HSD17B4: variants seen among roughly 807,000 people sequenced by gnomAD.
The protein encoded by HSD17B4 is peroxisomal multifunctional enzyme type 2.
A neutral mutation model predicts 101.0 loss-of-function variants in HSD17B4; 70 were observed. The ratio of observed to expected loss-of-function variants is 0.69; its 90% CI spans 0.57 to 0.85. HSD17B4 has a LOEUF of 0.85. HSD17B4 is among the 40% of genes least tolerant of loss of function. The probability of loss-of-function intolerance (pLI) is 0.00; values close to 1 mark genes in which losing one functional copy is unlikely to be tolerated. For synonymous variants in HSD17B4, 347 were observed against 297.1 expected, an observed-to-expected ratio of 1.17 and a Z score of -1.73; for missense variants, 984 against 892.4, an observed-to-expected ratio of 1.10 and a Z score of -1.31.
At chr5:119,471,656 A>G in intron 2 of HSD17B4, 5 of 1,437,604 alleles carry the variant, frequency 3.5e-6, no homozygotes, top group Non-Finnish European at 3.7e-6. Flanking sequence ...CTATGCAATA[A>G]CCCTATGGAG....
At chr5:119,492,226 T>C in intron 10 of HSD17B4, 102 bp downstream of exon 10, 3 of 839,192 alleles carry the variant, frequency 3.6e-6, no homozygotes, top group Non-Finnish European at 6.3e-6. Context: ...GCCTAACCAT[T>C]GGATATAGTG....
At chr5:119,492,398 A>T in intron 10 of HSD17B4, 1 of 465,882 alleles carries the variant, frequency 2.1e-6, no homozygotes, top group Non-Finnish European at 3.9e-6. Flanking sequence ...ATTCCTTCAG[A>T]CAGCATATAT....
At chr5:119,536,707 T>C (rs564740392) in intron 23 of HSD17B4, among the ~76,000 whole-genome samples, 157 bp downstream of exon 23, 16 of 152,274 alleles carry the variant, frequency 1.1e-4, no homozygotes, top group African/African-American at 3.6e-4. Context: ...TGACAGGTCA[T>C]ATATTTCTTT....
At chr5:119,468,809 C>CTT (rs797011282) in intron 2 of HSD17B4, among the ~76,000 whole-genome samples, 2 of 142,034 alleles carry the variant, frequency 1.4e-5, no homozygotes, top group African/African-American at 5.1e-5. Context: ...TTTCTCTTTC[C>CTT]TTTTTTTTTT....
rs2126689875 is a variant in HSD17B4, at chr5:119,475,728, G to A, written c.302+1G>A. 6.3e-7 allele frequency: 1 copy of A among 1,598,050 alleles called. No homozygotes were observed. The highest frequency in any genetic ancestry group is 8.6e-7 in the Non-Finnish European group (1 of 1,166,904). On this transcript the variant is annotated splice_donor_variant, in intron 5 of 23. Transcript: ENST00000510025. LOFTEE classifies it high-confidence loss of function. ...TAGATGTTGTGGTCAACAATGCTGG[G>A]TGAGTATTTCTTTTTCATTTTTAGT... is the stretch of plus-strand genomic sequence containing the variant.
intron 2 of HSD17B4, among the ~76,000 whole-genome samples, chr5:119,467,945 T>C (rs1755980469): frequency 6.6e-6 from 1 of 152,228 alleles, no homozygotes; most frequent in Non-Finnish European, 1.5e-5. Context: ...AGTGAGTTTC[T>C]TGTAGGTAGC....
Position 119,452,646 on chromosome 5 carries a change from A to C in HSD17B4, c.58+13A>C, listed in dbSNP as rs1182653542. 6.2e-7 allele frequency: 1 copy of C among 1,613,664 alleles called. No individual in the cohort carries two copies. Among genetic ancestry groups the C allele is most frequent in the Non-Finnish European group, 8.5e-7 (1 of 1,179,938 alleles). Reference sequence around the variant, plus strand: ...GGCGCGGGGGCAGGTGAGCATGCGAAGGTTGGAGGCCGCGCCCCTTGCTGA... The same window carrying C: ...GGCGCGGGGGCAGGTGAGCATGCGACGGTTGGAGGCCGCGCCCCTTGCTGA... On this transcript the variant is annotated intron_variant, in intron 1 of 23. Transcript: ENST00000510025.
chr5:119,526,545 C>G (rs545453772), intron 19 of HSD17B4, among the ~76,000 whole-genome samples: 1 of 151,926 alleles, frequency 6.6e-6, no homozygotes, highest in African/African-American at 2.4e-5. Context: ...AAGATGTACA[C>G]TTAAAAAAGT....
At chr5:119,539,475 C>G (rs1415176272) in intron 23 of HSD17B4, among the ~76,000 whole-genome samples, 2 of 151,678 alleles carry the variant, frequency 1.3e-5, no homozygotes, top group Non-Finnish European at 2.9e-5. Flanking sequence ...GGAGATATAC[C>G]TAATGCTAAA....
intron 12 of HSD17B4, 90 bp from the exon 13 acceptor site, chr5:119,499,227 A>G (rs1310616730): frequency 1.2e-6 from 1 of 821,558 alleles, no homozygotes; most frequent in Non-Finnish European, 2.1e-6. Context: ...TTCTAGTCAC[A>G]TCTATTCAAA....
chr5:119,452,704 A>T (rs1211136916), intron 1 of HSD17B4, 71 bp downstream of exon 1: 1 of 1,608,132 alleles, frequency 6.2e-7, no homozygotes, highest in Admixed American at 1.7e-5. Context: ...GGGCCGGCAT[A>T]CGCGCGCAGC....
chr5:119,517,499 C>T (rs1033699189), intron 17 of HSD17B4, among the ~76,000 whole-genome samples: 4 of 152,240 alleles, frequency 2.6e-5, no homozygotes, highest in Non-Finnish European at 2.9e-5. Flanking sequence ...GAGCGTACCG[C>T]GCGGGACTGG....
intron 12 of HSD17B4, among the ~76,000 whole-genome samples, chr5:119,499,108 A>G (rs1253059729): frequency 6.6e-6 from 1 of 152,192 alleles, no homozygotes; most frequent in Non-Finnish European, 1.5e-5. Context: ...GCAAGCAATA[A>G]AAAACTTCTT....
At chr5:119,484,956 T>A (rs1465524217) in intron 8 of HSD17B4, among the ~76,000 whole-genome samples, 5 of 152,176 alleles carry the variant, frequency 3.3e-5, no homozygotes, top group Admixed American at 6.6e-5. Context: ...GTGAAAGATA[T>A]ATAATTTATT....
At chr5:119,533,428 G>A (rs1001721940) in intron 22 of HSD17B4, among the ~76,000 whole-genome samples, 1 of 152,008 alleles carries the variant, frequency 6.6e-6, no homozygotes, top group African/African-American at 2.4e-5. Context: ...AGTAATAATG[G>A]AGAGGAGAGG....
At chr5:119,524,085 G>C (rs1431989226) in intron 17 of HSD17B4, among the ~76,000 whole-genome samples, 1 of 151,932 alleles carries the variant, frequency 6.6e-6, no homozygotes, top group South Asian at 2.1e-4. Flanking sequence ...ACTTCTCTTA[G>C]CATCTCATAT....
intron 2 of HSD17B4, among the ~76,000 whole-genome samples, chr5:119,465,767 A>G (rs753307208): frequency 6.6e-6 from 1 of 152,192 alleles, no homozygotes; most frequent in Non-Finnish European, 1.5e-5. Flanking sequence ...TGTCATCTGT[A>G]AACAGGAACA....
chr5:119,452,512 CT>C lies in HSD17B4; in HGVS notation c.-63del. ...CGCCCCCGCCATTCCCCGCCTCCTC[CT>C]GTCCCGCAGTCGGCGTCCAGCGGCT... On this transcript the variant is annotated 5_prime_UTR_variant, in exon 1 of 24. Transcript: ENST00000510025. 13 of 1,612,840 alleles carry C rather than the reference CT, an allele frequency of 8.1e-6. No homozygotes were observed. The highest frequency in any genetic ancestry group is 1.1e-5 in the Non-Finnish European group (13 of 1,179,754).
chr5:119,488,795 A>G (rs1749833408), intron 8 of HSD17B4, among the ~76,000 whole-genome samples: 1 of 152,126 alleles, frequency 6.6e-6, no homozygotes, highest in Admixed American at 6.6e-5. Flanking sequence ...GTAATGGTCT[A>G]GGCTGTTTTG....
Sources: allele counts gnomAD v4.1 joint callset (sites outside exome capture counted in the v4.1 genomes callset), GRCh38; gene constraint gnomAD v4.1.1; transcripts MANE v1.5; gene names NCBI Gene and HGNC (gene_info 2026-07-23, HGNC 2026-07-21).